The following EML4 variants were observed in gnomAD, a reference collection of about 807,000 sequenced individuals.
EML4 encodes EMAP like 4, also known as echinoderm microtubule-associated protein-like 4.
Under a neutral mutation model 129.0 loss-of-function variants are expected in EML4, and 72 were observed. The observed-to-expected ratio is 0.56, with a 90% CI of 0.46 to 0.68. The LOEUF is 0.68. Ranked by LOEUF, EML4 falls within the 30% of genes least tolerant of loss-of-function variation. The pLI is 0.00. For synonymous variants in EML4, 532 were observed against 405.0 expected (o/e 1.31, Z -3.77); for missense variants, 1,363 against 1,190.6 (o/e 1.14, Z -2.13).
intron 1 of EML4, among the ~76,000 whole-genome samples, chr2:42,216,268 T>A (rs1355438601): frequency 9.0e-6 from 1 of 111,430 alleles, no homozygotes; most frequent in Non-Finnish European, 1.8e-5. Context: ...TTTGAGATGG[T>A]GTCTTGCTCT....
chr2:42,226,518 G>A (rs1463980554), intron 1 of EML4, among the ~76,000 whole-genome samples: 3 of 150,966 alleles, frequency 2.0e-5, no homozygotes, highest in Non-Finnish European at 4.4e-5. Context: ...TTAGTTGGGC[G>A]TGATGGTGCA....
chr2:42,189,931 CAT>C (rs1008701617), intron 1 of EML4, among the ~76,000 whole-genome samples: 1 of 150,666 alleles, frequency 6.6e-6, no homozygotes, highest in African/African-American at 2.4e-5. Flanking sequence ...CATCATGAGA[CAT>C]ATTACGAAGT....
rs200029040 is a variant in EML4, at chr2:42,317,398, C to T, written c.2057-29C>T. On this transcript the variant is annotated intron_variant, in intron 18 of 22. Transcript: ENST00000318522. ...TAAATAAATTTATCAGTATATTTCT[C>T]TAGTCAACACTGACCTATTTTATTC... 8.1e-5 allele frequency: 107 copies of T among 1,324,202 alleles called. No individual in the cohort carries two copies. In the East Asian group the frequency reaches 2.4e-3, roughly 30 times the overall value. 82.0% of individuals were successfully genotyped at this position (1,324,202 alleles called of 1,614,324 possible). A position where few individuals can be genotyped will look rare whatever the true frequency, so the allele number is the denominator to read the frequency against.
chr2:42,211,240 A>G (rs1341708784), intron 1 of EML4, among the ~76,000 whole-genome samples: 1 of 152,214 alleles, frequency 6.6e-6, no homozygotes, highest in Admixed American at 6.5e-5. Context: ...ATGGCTGAAA[A>G]AAAATCACAT....
rs1461175786 is a variant in EML4 at position 42,329,940 on chromosome 2, C to G, written c.2679C>G (p.Ile893Met). 2 of 1,613,962 alleles carry G rather than the reference C, an allele frequency of 1.2e-6. No individual in the cohort carries two copies. The highest frequency in any genetic ancestry group is 1.7e-6 in the Non-Finnish European group (2 of 1,179,998). The change falls in exon 23 of 23, where the codon ATC (isoleucine) becomes ATG (methionine). Residue 893 changes from isoleucine to methionine, a missense_variant. Ile to Met is a conservative substitution (Grantham distance 10, BLOSUM62 1). Coordinates refer to ENST00000318522, the MANE Select transcript of EML4 (RefSeq NM_019063.5). ...KAPVSSTESV[I>M]QSNTPTPPPS... ...CCGTCTCTTCCACTGAAAGTGTCAT[C>G]CAATCTAATACTCCCACACCGCCTC...
chr2:42,247,649 T>C (rs1480751986), intron 2 of EML4, among the ~76,000 whole-genome samples: 2 of 152,104 alleles, frequency 1.3e-5, no homozygotes, highest in Non-Finnish European at 2.9e-5. Context: ...TGTTATATTA[T>C]GCTTGCTTGC....
At chr2:42,173,789 A>T (rs1433021320) in intron 1 of EML4, among the ~76,000 whole-genome samples, 5 of 152,198 alleles carry the variant, frequency 3.3e-5, no homozygotes, top group Admixed American at 3.3e-4. Context: ...GGTTGCAGTG[A>T]GCTATGATTG....
At chr2:42,177,515 C>T (rs1385377967) in intron 1 of EML4, among the ~76,000 whole-genome samples, 2 of 151,870 alleles carry the variant, frequency 1.3e-5, no homozygotes, top group East Asian at 3.9e-4. Context: ...CCCAGATACT[C>T]GAGAGGCTGA....
At chr2:42,211,731 A>G (rs1344403029) in intron 1 of EML4, among the ~76,000 whole-genome samples, 2 of 152,056 alleles carry the variant, frequency 1.3e-5, no homozygotes, top group African/African-American at 2.4e-5. Flanking sequence ...TGTGTTGCCA[A>G]TGTTTTAAGT....
chr2:42,263,155 T>C, intron 4 of EML4, 23 bp from the exon 5 acceptor site: 4 of 1,594,668 alleles, frequency 2.5e-6, no homozygotes, highest in Non-Finnish European at 3.4e-6. Flanking sequence ...AATTTTTCTC[T>C]AAGAAATTAA....
chr2:42,277,504 G>C (rs558821058), intron 6 of EML4, among the ~76,000 whole-genome samples: 56 of 152,016 alleles, frequency 3.7e-4, no homozygotes, highest in African/African-American at 1.3e-3. Context: ...ATCAAACTCT[G>C]AGGCCAACTA....
In EML4 at chr2:42,252,910, C is replaced by A. The variant is rs552682122; in HGVS notation, c.209-3591C>A. ...TGATATCTCTCTGTTACTGTACTTA[C>A]CACGTTTTCATTGCCAATGTGATTC... On this transcript the variant is annotated intron_variant, in intron 2 of 22. Coordinates refer to ENST00000318522, the MANE Select transcript of EML4 (RefSeq NM_019063.5). Among the ~76,000 whole-genome samples the A allele has an allele frequency of 2.4e-4, 36 of 152,270 alleles. 1 individual carries two copies. Among genetic ancestry groups the A allele is most frequent in the Middle Eastern group, 6.8e-3 (2 of 294 alleles).
At chr2:42,253,396 A>T (rs754116339) in intron 2 of EML4, among the ~76,000 whole-genome samples, 1 of 152,200 alleles carries the variant, frequency 6.6e-6, no homozygotes, top group Non-Finnish European at 1.5e-5. Flanking sequence ...GCATATTACA[A>T]TTGATAGTGT....
chr2:42,266,492 G>A (rs968711766), intron 6 of EML4, among the ~76,000 whole-genome samples: 8 of 152,020 alleles, frequency 5.3e-5, no homozygotes, highest in Admixed American at 2.0e-4. Flanking sequence ...CTACAGGCGC[G>A]CACCACATAC....
chr2:42,331,836 G>T lies in EML4; in HGVS notation c.*1629G>T, dbSNP rs1174631719. ...GAAGGGGCGAGTGGAGACACTGTGT[G>T]TATCTCTAGATAAGAAGATATGCAC... On this transcript the variant is annotated 3_prime_UTR_variant, in exon 23 of 23. Transcript: ENST00000318522. 9.1e-6 allele frequency: 2 copies of T among 220,814 alleles called. No homozygotes were observed. The highest frequency in any genetic ancestry group is 9.1e-6 in the Non-Finnish European group (1 of 109,958). 13.7% of individuals were successfully genotyped at this position (220,814 alleles called of 1,614,324 possible). A position where few individuals can be genotyped will look rare whatever the true frequency, so the allele number is the denominator to read the frequency against.
In EML4 at chr2:42,290,904, C is replaced by T. The variant is rs189894855; in HGVS notation, c.1218+2582C>T. Among the ~76,000 whole-genome samples, 467 of 152,120 alleles carry T rather than the reference C, an allele frequency of 3.1e-3. 6 individuals are homozygous for T. The highest frequency in any genetic ancestry group is 0.011 in the African/African-American group (437 of 41,482). On this transcript the variant is annotated intron_variant, in intron 11 of 22. Coordinates refer to ENST00000318522, the MANE Select transcript of EML4 (RefSeq NM_019063.5). ...TACATTTAGCAGAGTCAAAACTCAG[C>T]TTTCATAGGAGTTGACAAACTGAAT...
Position 42,329,769 on chromosome 2 carries a change from T to A in EML4, c.2508T>A (p.His836Gln). 6.2e-7 allele frequency: 1 copy of A among 1,614,170 alleles called. No homozygotes were observed. The highest frequency in any genetic ancestry group is 2.2e-5 in the East Asian group (1 of 44,890). Residue 836 changes from histidine (H) to glutamine (Q), a missense_variant, in exon 23 of 23, where the codon CAT becomes CAA. His to Gln is a conservative substitution (Grantham distance 24, BLOSUM62 0). Transcript: ENST00000318522. ...ACAAGTACAGTGCCCACAGCAGCCA[T>A]GTCACCAATGTCAGTTTTACTCACA... ...PSHKYSAHSS[H>Q]VTNVSFTHND...
At chr2:42,225,397 G>A (rs778921089) in intron 1 of EML4, among the ~76,000 whole-genome samples, 9 of 152,104 alleles carry the variant, frequency 5.9e-5, no homozygotes, top group Non-Finnish European at 1.2e-4. Context: ...ATTTCTCCAC[G>A]TATGTTCATG....
intron 17 of EML4, among the ~76,000 whole-genome samples, chr2:42,313,149 C>T (rs897951358): frequency 3.3e-5 from 5 of 150,884 alleles, no homozygotes; most frequent in Admixed American, 6.6e-5. Flanking sequence ...GGGGTTTCAC[C>T]GGGTTAGCCA....
Sources: allele counts gnomAD v4.1 joint callset (sites outside exome capture counted in the v4.1 genomes callset), GRCh38; gene constraint gnomAD v4.1.1; transcripts MANE v1.5; gene names NCBI Gene and HGNC (gene_info 2026-07-23, HGNC 2026-07-21).